Variants in ACOXL observed in about 807,000 individuals in gnomAD.
The protein encoded by ACOXL is acyl-CoA oxidase like.
Under a neutral mutation model 71.9 loss-of-function variants are expected in ACOXL, and 70 were observed. That is an observed-to-expected ratio of 0.97 (90% confidence interval 0.80 to 1.19). ACOXL has a LOEUF of 1.19. ACOXL is among the 50% of genes most tolerant of loss of function. The pLI is 0.00. For missense variants in ACOXL, 703 were observed against 736.3 expected (o/e 0.95, Z 0.52); for synonymous variants, 253 against 281.6 (o/e 0.90, Z 1.02).
intron 14 of ACOXL, among the ~76,000 whole-genome samples, chr2:111,024,625 A>G (rs997727496): frequency 2.0e-5 from 3 of 152,184 alleles, no homozygotes; most frequent in Non-Finnish European, 4.4e-5. Flanking sequence ...TAGGGAACCA[A>G]TATACCTCCA....
chr2:111,022,822 C>T (rs182014525), intron 14 of ACOXL, among the ~76,000 whole-genome samples: 2 of 151,978 alleles, frequency 1.3e-5, no homozygotes, highest in East Asian at 1.9e-4. Flanking sequence ...AGGCCACTGG[C>T]GACACTTACT....
intron 10 of ACOXL, among the ~76,000 whole-genome samples, chr2:110,853,692 A>C (rs544206209): frequency 6.6e-6 from 1 of 152,318 alleles, no homozygotes; most frequent in African/African-American, 2.4e-5. Flanking sequence ...ACACAAATGC[A>C]CAGTAGGACT....
At chr2:111,031,105 G>A (rs1405615301) in intron 14 of ACOXL, among the ~76,000 whole-genome samples, 1 of 152,288 alleles carries the variant, frequency 6.6e-6, no homozygotes, top group South Asian at 2.1e-4. Context: ...CATCACTCTG[G>A]ATCCTATCTC....
intron 10 of ACOXL, among the ~76,000 whole-genome samples, chr2:110,850,170 CAT>C (rs1692429030): frequency 1.3e-5 from 2 of 152,146 alleles, no homozygotes; most frequent in South Asian, 4.1e-4. Context: ...TGGAAGAAAA[CAT>C]AGAAGAAAAT....
intron 12 of ACOXL, among the ~76,000 whole-genome samples, chr2:110,974,536 A>T (rs2062358840): frequency 6.6e-6 from 1 of 152,232 alleles, no homozygotes. Flanking sequence ...TTAGAGATAC[A>T]CTAAGACAGG....
intron 5 of ACOXL, among the ~76,000 whole-genome samples, chr2:110,796,821 A>G (rs891589672): frequency 6.6e-6 from 1 of 152,228 alleles, no homozygotes; most frequent in Non-Finnish European, 1.5e-5. Flanking sequence ...GCACAAGTTA[A>G]AAGTTTCCCT....
intron 10 of ACOXL, among the ~76,000 whole-genome samples, chr2:110,904,927 G>A (rs939940093): frequency 3.9e-5 from 6 of 152,118 alleles, no homozygotes; most frequent in Non-Finnish European, 7.3e-5. Context: ...CGGGAATGGG[G>A]TCCTGAACTG....
At chr2:110,862,920 G>A (rs112839124) in intron 10 of ACOXL, among the ~76,000 whole-genome samples, 10 of 152,310 alleles carry the variant, frequency 6.6e-5, no homozygotes, top group Admixed American at 3.9e-4. Flanking sequence ...CTAGGGCCCC[G>A]CAGCAGCTAC....
At chr2:110,764,718 A>G (rs1385272628) in intron 1 of ACOXL, among the ~76,000 whole-genome samples, 1 of 152,186 alleles carries the variant, frequency 6.6e-6, no homozygotes, top group Non-Finnish European at 1.5e-5. Context: ...GGGGATTTTG[A>G]TAGTGAGGGA....
intron 16 of ACOXL, among the ~76,000 whole-genome samples, chr2:111,070,606 C>G (rs1030573920): frequency 6.6e-6 from 1 of 152,036 alleles, no homozygotes; most frequent in Non-Finnish European, 1.5e-5. Flanking sequence ...ACAAGTTTAC[C>G]TATATTACAA....
intron 9 of ACOXL, among the ~76,000 whole-genome samples, chr2:110,835,476 G>A (rs1690337580): frequency 1.3e-5 from 2 of 152,170 alleles, no homozygotes; most frequent in African/African-American, 4.8e-5. Flanking sequence ...GAAGCTGGCT[G>A]CATCCTTGCT....
chr2:110,738,805 C>G (rs1335581167), intron 1 of ACOXL, among the ~76,000 whole-genome samples: 2 of 152,102 alleles, frequency 1.3e-5, no homozygotes, highest in African/African-American at 4.8e-5. Flanking sequence ...CTTGCCTTGT[C>G]TTCTAATATT....
At chr2:110,817,986 A>G (rs1300842348) in intron 9 of ACOXL, among the ~76,000 whole-genome samples, 1 of 140,274 alleles carries the variant, frequency 7.1e-6, no homozygotes, top group Non-Finnish European at 1.5e-5. Context: ...GACTGATCTC[A>G]TCAGCCAAAT....
intron 11 of ACOXL, among the ~76,000 whole-genome samples, chr2:110,923,594 A>T (rs571420227): frequency 2.6e-5 from 4 of 152,294 alleles, no homozygotes; most frequent in African/African-American, 9.6e-5. Flanking sequence ...TTACCATCCT[A>T]ATGAGCAATT....
intron 1 of ACOXL, among the ~76,000 whole-genome samples, chr2:110,760,752 G>A (rs1680300140): frequency 6.6e-6 from 1 of 152,148 alleles, no homozygotes; most frequent in African/African-American, 2.4e-5. Context: ...GCTTCACTCA[G>A]GGATATTCCC....
At chr2:110,952,799 A>G (rs985625025) in intron 12 of ACOXL, among the ~76,000 whole-genome samples, 1 of 152,056 alleles carries the variant, frequency 6.6e-6, no homozygotes. Flanking sequence ...CTCCTCCTAT[A>G]GTATCTTAAT....
In ACOXL at chr2:110,902,471, A is replaced by G. The variant is rs556100962; in HGVS notation, c.789-6318A>G. ...GGCAACAGAGTGAGACTCTGCCTCA[A>G]AAGCAAACAAACAAAAAAGGAAGAA... On this transcript the variant is annotated intron_variant, in intron 10 of 17. Transcript: ENST00000439055. Among the ~76,000 whole-genome samples, 15 of 152,342 alleles carry G rather than the reference A, an allele frequency of 9.8e-5. No individual in the cohort carries two copies. In the South Asian group the frequency reaches 3.1e-3, roughly 32 times the overall value.
At position 110,805,289 on chromosome 2, in the gene ACOXL, A is replaced by G. The variant is rs777277902; in HGVS notation, c.647A>G (p.Gln216Arg). Residue 216 changes from glutamine (Q) to arginine (R), a missense_variant, in exon 9 of 18, where the codon CAG becomes CGG. Gln to Arg is a conservative substitution (Grantham distance 43, BLOSUM62 1). Transcript: ENST00000439055. ...TTTGGTTCCGTGGCTCCAGATGGAC[A>G]GTACCATTCGCCTATTAGGAACAAG... ...DKFGSVAPDG[Q>R]YHSPIRNKSA... is the part of the protein sequence containing the mutation. 1.2e-6 allele frequency: 2 copies of G among 1,614,252 alleles called. No individual in the cohort carries two copies. Among genetic ancestry groups the G allele is most frequent in the South Asian group, 1.1e-5 (1 of 91,084 alleles).
chr2:110,930,507 G>A (rs1050369959), intron 11 of ACOXL, among the ~76,000 whole-genome samples: 1 of 152,186 alleles, frequency 6.6e-6, no homozygotes, highest in African/African-American at 2.4e-5. Flanking sequence ...AGTTAATGCT[G>A]AAATGACTTA....
Sources: gnomAD v4.1 joint callset for allele counts (sites outside exome capture counted in the v4.1 genomes callset) on GRCh38, gnomAD v4.1.1 for gene constraint, MANE v1.5 for transcripts, NCBI Gene and HGNC (gene_info 2026-07-23, HGNC 2026-07-21) for gene names.